PTPRE: variants seen among roughly 807,000 people sequenced by gnomAD.
PTPRE encodes the protein receptor-type tyrosine-protein phosphatase epsilon.
PTPRE carries 51 observed loss-of-function variants against 102.0 expected under a neutral mutation model. That is an observed-to-expected ratio of 0.50 (90% CI 0.40 to 0.63). The LOEUF (loss-of-function observed/expected upper bound fraction) is 0.63, where lower values mean the gene tolerates loss of function less well. PTPRE is among the 30% of genes least tolerant of loss of function. The probability of loss-of-function intolerance (pLI) is 0.00; values close to 1 mark genes in which losing one functional copy is unlikely to be tolerated. For synonymous variants in PTPRE, 345 were observed against 348.2 expected, an observed-to-expected ratio of 0.99 and a Z score of 0.10; for missense variants, 752 against 915.1, an observed-to-expected ratio of 0.82 and a Z score of 2.30.
intron 2 of PTPRE, among the ~76,000 whole-genome samples, chr10:128,016,482 T>TTTTC (rs1230051486): frequency 3.9e-5 from 2 of 51,806 alleles, no homozygotes; most frequent in East Asian, 1.2e-3. Context: ...GCCTGGCCAA[T>TTTTC]TTTTTTTTTT....
chr10:127,957,615 T>C (rs958715349), intron 1 of PTPRE, among the ~76,000 whole-genome samples: 2 of 152,228 alleles, frequency 1.3e-5, no homozygotes, highest in African/African-American at 4.8e-5. Flanking sequence ...TATAGTTAAG[T>C]CTTGGGGTCA....
rs1344743066 is a variant in PTPRE at position 128,061,618 on chromosome 10, A to G, written c.589-61A>G. On this transcript the variant is annotated intron_variant, in intron 8 of 20. Coordinates refer to ENST00000254667, the MANE Select transcript of PTPRE (RefSeq NM_006504.6). The stretch of plus-strand genomic sequence containing the variant: ...GTACTGCTTTCCTAACAGCAACACC[A>G]ACAAATCCTTTCAGCAAAGATAATT... 3.9e-6 allele frequency: 6 copies of G among 1,546,888 alleles called. No individual in the cohort carries two copies. In the African/African-American group the frequency reaches 4.2e-5, roughly 11 times the overall value.
intron 6 of PTPRE, among the ~76,000 whole-genome samples, chr10:128,054,369 A>T (rs1848787173): frequency 6.6e-6 from 1 of 152,106 alleles, no homozygotes; most frequent in Non-Finnish European, 1.5e-5. Context: ...GGCCAAAAAA[A>T]GCTTTTGCGG....
At chr10:128,014,366 G>C (rs181548604) in intron 2 of PTPRE, among the ~76,000 whole-genome samples, 1 of 152,148 alleles carries the variant, frequency 6.6e-6, no homozygotes, top group Admixed American at 6.5e-5. Context: ...CATGCACATT[G>C]TTTGGCCCAA....
chr10:128,051,496 G>T (rs190993435), intron 6 of PTPRE, among the ~76,000 whole-genome samples: 32 of 152,338 alleles, frequency 2.1e-4, no homozygotes, highest in African/African-American at 7.5e-4. Context: ...TTTCCCTGTT[G>T]CCCTGGGCCC....
chr10:127,932,181 C>T (rs774709193), intron 1 of PTPRE, among the ~76,000 whole-genome samples: 5 of 151,990 alleles, frequency 3.3e-5, no homozygotes, highest in Admixed American at 6.6e-5. Flanking sequence ...TTGTCCTCCT[C>T]GAATCAAAAA....
intron 2 of PTPRE, among the ~76,000 whole-genome samples, chr10:128,036,181 T>A (rs915818358): frequency 6.6e-6 from 1 of 151,830 alleles, no homozygotes; most frequent in African/African-American, 2.4e-5. Context: ...CTTTTCCCAG[T>A]CTCCTGCCGA....
intron 3 of PTPRE, among the ~76,000 whole-genome samples, chr10:128,044,984 T>C (rs1847975854): frequency 6.6e-6 from 1 of 152,240 alleles, no homozygotes; most frequent in Admixed American, 6.5e-5. Context: ...TTGGCCCCAG[T>C]GGGCTGGAAC....
chr10:128,045,210 G>C (rs999988975), intron 3 of PTPRE, among the ~76,000 whole-genome samples: 8 of 152,252 alleles, frequency 5.3e-5, no homozygotes, highest in African/African-American at 1.9e-4. Context: ...CCTTCTGCCC[G>C]TGTGCACGGC....
chr10:127,952,342 C>CCCCCCCCCTTTTT (rs1849092588), intron 1 of PTPRE, among the ~76,000 whole-genome samples: 2 of 141,798 alleles, frequency 1.4e-5, no homozygotes, highest in African/African-American at 2.6e-5. Flanking sequence ...CCCGCCCCCC[C>CCCCCCCCCTTTTT]TAGCCCTTAG....
At chr10:128,081,447 G>A (rs1851703340) in intron 20 of PTPRE, among the ~76,000 whole-genome samples, 1 of 152,174 alleles carries the variant, frequency 6.6e-6, no homozygotes, top group East Asian at 1.9e-4. Flanking sequence ...TCCATCACTG[G>A]CCCCAATCAC....
chr10:128,034,542 T>G (rs1847052942), intron 2 of PTPRE, among the ~76,000 whole-genome samples: 2 of 152,004 alleles, frequency 1.3e-5, no homozygotes. Context: ...AAAAAAAGTC[T>G]TAAATTTTGC....
chr10:127,994,073 T>C (rs1194981962), intron 2 of PTPRE, among the ~76,000 whole-genome samples: 1 of 152,222 alleles, frequency 6.6e-6, no homozygotes, highest in African/African-American at 2.4e-5. Flanking sequence ...GATAAAATTC[T>C]TATGACATAT....
chr10:128,000,617 T>C (rs1853774789), intron 2 of PTPRE, among the ~76,000 whole-genome samples: 1 of 152,252 alleles, frequency 6.6e-6, no homozygotes, highest in African/African-American at 2.4e-5. Flanking sequence ...AGCTCAGATA[T>C]ATTATAGCTC....
chr10:127,912,280 T>C (rs143211401), intron 1 of PTPRE, among the ~76,000 whole-genome samples: 52 of 152,340 alleles, frequency 3.4e-4, no homozygotes, highest in Admixed American at 7.2e-4. Flanking sequence ...GCTTAAGAAA[T>C]ACAAATTCTT....
At position 127,939,222 on chromosome 10, in the gene PTPRE, A is replaced by T. The variant is rs961831365; in HGVS notation, c.-31+31913A>T. Among the ~76,000 whole-genome samples, 6 of 152,160 alleles carry T rather than the reference A, an allele frequency of 3.9e-5. No individual in the cohort carries two copies. The East Asian group carries it at 1.2e-3, about 29-fold the overall frequency. ...CTTTTTCAGTAACATGACTTGAGAA[A>T]TTTTTCTTCTTACTAATAAAAGGGA... is the stretch of plus-strand genomic sequence containing the variant. On this transcript the variant is annotated intron_variant, in intron 1 of 20. Coordinates refer to ENST00000254667, the MANE Select transcript of PTPRE (RefSeq NM_006504.6).
intron 2 of PTPRE, among the ~76,000 whole-genome samples, chr10:128,000,762 G>A (rs1293194333): frequency 6.6e-6 from 1 of 152,150 alleles, no homozygotes; most frequent in Non-Finnish European, 1.5e-5. Flanking sequence ...CAAAGTGAAG[G>A]AGGCCCTACA....
At chr10:127,941,487 A>G (rs1848241552) in intron 1 of PTPRE, among the ~76,000 whole-genome samples, 2 of 152,260 alleles carry the variant, frequency 1.3e-5, no homozygotes, top group African/African-American at 4.8e-5. Flanking sequence ...GCTCAGGCTC[A>G]GCCCGCTGTG....
At chr10:127,991,623 G>T (rs1039896506) in intron 2 of PTPRE, among the ~76,000 whole-genome samples, 5 of 152,112 alleles carry the variant, frequency 3.3e-5, no homozygotes, top group African/African-American at 9.7e-5. Flanking sequence ...GCAATTTTTT[G>T]AAACATTTTC....
Sources: allele counts gnomAD v4.1 joint callset (sites outside exome capture counted in the v4.1 genomes callset), GRCh38; gene constraint gnomAD v4.1.1; transcripts MANE v1.5; gene names NCBI Gene and HGNC (gene_info 2026-07-23, HGNC 2026-07-21).